AGMO: variants seen among roughly 807,000 people sequenced by gnomAD.
The protein encoded by AGMO is glyceryl-ether monooxygenase.
AGMO carries 75 observed loss-of-function variants against 60.2 expected under a neutral mutation model. The observed-to-expected ratio is 1.25, with a 90% CI of 1.03 to 1.51. The LOEUF (loss-of-function observed/expected upper bound fraction) is 1.51, where lower values mean the gene tolerates loss of function less well. Among genes scored for constraint, AGMO ranks in the 40% most tolerant of loss-of-function variants. AGMO has a pLI of 0.00. For synonymous variants in AGMO, 261 were observed against 177.1 expected, an observed-to-expected ratio of 1.47 and a Z score of -3.76; for missense variants, 763 against 525.5, an observed-to-expected ratio of 1.45 and a Z score of -4.42.
the AGMO span, among the ~76,000 whole-genome samples, chr7:15,135,559 C>G: frequency 2.0e-5 from 3 of 152,082 alleles, no homozygotes; most frequent in Non-Finnish European, 4.4e-5. Context: ...TCACATAATA[C>G]TGCTGTAAAA....
At chr7:15,557,275 A>G (rs1383551322) in intron 2 of AGMO, among the ~76,000 whole-genome samples, 1 of 152,152 alleles carries the variant, frequency 6.6e-6, no homozygotes, top group African/African-American at 2.4e-5. Context: ...ATTATTATCC[A>G]AAGCATAATT....
At chr7:15,184,289 GGA>G in the AGMO span, among the ~76,000 whole-genome samples, 2 of 58,920 alleles carry the variant, frequency 3.4e-5, no homozygotes, top group African/African-American at 8.1e-5. Flanking sequence ...AAGGAAGGAA[GGA>G]AGGGAGGCAG....
At position 15,451,147 on chromosome 7, in the gene AGMO, C is replaced by G. The variant is rs1217679349; in HGVS notation, c.410-20039G>C. ...CAGAATTTTAGCTGGGTTTCTGTAGCCTTTTCATTAAGGGAAGCAAACAAT... is the reference window on the plus strand; with the variant it reads ...CAGAATTTTAGCTGGGTTTCTGTAGGCTTTTCATTAAGGGAAGCAAACAAT... On this transcript the variant is annotated intron_variant, in intron 3 of 12. Coordinates refer to ENST00000342526, the MANE Select transcript of AGMO (RefSeq NM_001004320.2). Among the ~76,000 whole-genome samples, 4 of 151,980 alleles carry G rather than the reference C, an allele frequency of 2.6e-5. No individual in the cohort carries two copies. In the East Asian group the frequency reaches 7.7e-4, roughly 29 times the overall value.
chr7:15,235,314 T>C (rs1229567532), intron 12 of AGMO, among the ~76,000 whole-genome samples: 1 of 152,160 alleles, frequency 6.6e-6, no homozygotes, highest in African/African-American at 2.4e-5. Flanking sequence ...GTTTGTGTTT[T>C]TGTCCCTAGA....
Position 15,350,556 on chromosome 7 carries a change from T to C in AGMO, c.1263+14958A>G, listed in dbSNP as rs1351027562. Among the ~76,000 whole-genome samples, 9 of 152,234 alleles carry C rather than the reference T, an allele frequency of 5.9e-5. No homozygotes were observed. The South Asian group carries it at 1.7e-3, about 28-fold the overall frequency. The stretch of plus-strand genomic sequence containing the variant: ...CTGATACCTAGGAAGAAAACTCACA[T>C]TGAGAGTCAGAGAGAGTAGATTTCT... On this transcript the variant is annotated intron_variant, in intron 12 of 12. Coordinates refer to ENST00000342526, the MANE Select transcript of AGMO (RefSeq NM_001004320.2).
the AGMO span, among the ~76,000 whole-genome samples, chr7:15,141,739 A>G: frequency 2.0e-5 from 3 of 152,344 alleles, no homozygotes; most frequent in East Asian, 5.8e-4. Context: ...GGTACTTCCA[A>G]GTAAAACTGG....
At chr7:15,438,918 G>C (rs1781474342) in intron 3 of AGMO, among the ~76,000 whole-genome samples, 1 of 152,128 alleles carries the variant, frequency 6.6e-6, no homozygotes, top group South Asian at 2.1e-4. Flanking sequence ...CACAAATATA[G>C]AGTGATTTAT....
chr7:15,435,058 T>A (rs1459556965), intron 3 of AGMO, among the ~76,000 whole-genome samples: 1 of 152,126 alleles, frequency 6.6e-6, no homozygotes, highest in Non-Finnish European at 1.5e-5. Flanking sequence ...TTCCTTTTTA[T>A]CATTAGTATT....
At chr7:15,338,786 G>A (rs935316617) in intron 12 of AGMO, among the ~76,000 whole-genome samples, 1 of 152,090 alleles carries the variant, frequency 6.6e-6, no homozygotes, top group Non-Finnish European at 1.5e-5. Context: ...GGAAAAGGGT[G>A]CTCTAATCTT....
At chr7:15,547,528 C>A (rs1378322704) in intron 2 of AGMO, among the ~76,000 whole-genome samples, 1 of 152,126 alleles carries the variant, frequency 6.6e-6, no homozygotes, top group African/African-American at 2.4e-5. Flanking sequence ...TCAGGGAGTT[C>A]CCTTTCCGAG....
In AGMO at chr7:15,524,718, C is replaced by T. The variant is rs773869549; in HGVS notation, c.409+20054G>A. 2.8e-3 allele frequency among the ~76,000 whole-genome samples: 153 copies of T among 53,980 alleles called. 1 individual carries two copies. The highest frequency in any genetic ancestry group is 6.3e-3 in the Middle Eastern group (1 of 158). The allele number at this position is 53,980 out of a possible 152,430, so 35.4% of individuals were successfully genotyped here. ...TCTCTACTAAAAATACAAAAATTAG[C>T]CAGGCATGGTGCACATGCCTGTAAT... On this transcript the variant is annotated intron_variant, in intron 3 of 12. Transcript: ENST00000342526.
intron 3 of AGMO, among the ~76,000 whole-genome samples, chr7:15,516,384 G>C (rs1783807117): frequency 6.6e-6 from 1 of 152,090 alleles, no homozygotes; most frequent in Non-Finnish European, 1.5e-5. Context: ...TATTACAAAT[G>C]ATACAGCAAG....
At chr7:15,232,822 C>CAAAA (rs1442571736) in intron 12 of AGMO, among the ~76,000 whole-genome samples, 9 of 151,606 alleles carry the variant, frequency 5.9e-5, no homozygotes, top group African/African-American at 2.2e-4. Flanking sequence ...CACACACACA[C>CAAAA]ACACAAAAAC....
intron 12 of AGMO, among the ~76,000 whole-genome samples, chr7:15,357,159 T>C (rs111967180): frequency 0.033 from 4,920 of 150,106 alleles, 272 homozygotes; most frequent in African/African-American, 0.11. Context: ...CTGAAATAGA[T>C]GAGTCAAAAT....
At chr7:15,415,805 T>C (rs1037841634) in intron 5 of AGMO, among the ~76,000 whole-genome samples, 8 of 151,994 alleles carry the variant, frequency 5.3e-5, no homozygotes. Context: ...GTTAAAAACA[T>C]GTATTAAATA....
At position 15,508,215 on chromosome 7, in the gene AGMO, A is replaced by G. The variant is rs551039177; in HGVS notation, c.409+36557T>C. Among the ~76,000 whole-genome samples the G allele has an allele frequency of 4.6e-5, 7 of 152,228 alleles. No homozygotes were observed. In the East Asian group the frequency reaches 1.4e-3, roughly 29 times the overall value. ...ATTGTTTAAAATAATAATACTTGTGAGGTTGAAATATACATAAAATTAAAA... is the reference window on the plus strand; with the variant it reads ...ATTGTTTAAAATAATAATACTTGTGGGGTTGAAATATACATAAAATTAAAA... On this transcript the variant is annotated intron_variant, in intron 3 of 12. Coordinates refer to ENST00000342526, the MANE Select transcript of AGMO (RefSeq NM_001004320.2).
chr7:15,376,290 A>G (rs1157759325), intron 10 of AGMO, among the ~76,000 whole-genome samples: 1 of 152,046 alleles, frequency 6.6e-6, no homozygotes, highest in Admixed American at 6.6e-5. Context: ...CTGGACATTG[A>G]CTTGAAAACT....
the AGMO span, among the ~76,000 whole-genome samples, chr7:15,125,599 C>T: frequency 6.6e-6 from 1 of 152,078 alleles, no homozygotes; most frequent in Admixed American, 6.6e-5. Flanking sequence ...TTTATGCTTA[C>T]CAGGTGTCTT....
chr7:15,232,180 C>G (rs1782281856), intron 12 of AGMO, among the ~76,000 whole-genome samples: 1 of 152,160 alleles, frequency 6.6e-6, no homozygotes, highest in Non-Finnish European at 1.5e-5. Context: ...CTTGCCTACG[C>G]TCTACATTAT....
Sources: gnomAD v4.1 joint callset for allele counts (sites outside exome capture counted in the v4.1 genomes callset) on GRCh38, gnomAD v4.1.1 for gene constraint, MANE v1.5 for transcripts, NCBI Gene and HGNC (gene_info 2026-07-23, HGNC 2026-07-21) for gene names.